PTPN14: variants seen among roughly 807,000 people sequenced by gnomAD.
PTPN14 encodes tyrosine-protein phosphatase non-receptor type 14.
PTPN14 carries 53 observed loss-of-function variants against 126.8 expected under a neutral mutation model. The ratio of observed to expected loss-of-function variants is 0.42; its 90% CI spans 0.34 to 0.53. The LOEUF (loss-of-function observed/expected upper bound fraction) is 0.53. Ranked by LOEUF, PTPN14 falls within the 20% of genes least tolerant of loss-of-function variation. The probability of loss-of-function intolerance (pLI) is 0.08; values close to 1 mark genes in which losing one functional copy is unlikely to be tolerated. For missense variants in PTPN14, 1,257 were observed against 1,552.9 expected, an observed-to-expected ratio of 0.81 and a Z score of 3.20; for synonymous variants, 630 against 599.3, an observed-to-expected ratio of 1.05 and a Z score of -0.75.
At chr1:214,389,862 T>C (rs1658709449) in intron 11 of PTPN14, among the ~76,000 whole-genome samples, 1 of 152,194 alleles carries the variant, frequency 6.6e-6, no homozygotes, top group Admixed American at 6.5e-5. Flanking sequence ...CTATTGGTAC[T>C]CGGGGGAAAG....
chr1:214,535,152 T>C (rs186788673), intron 1 of PTPN14, among the ~76,000 whole-genome samples: 10 of 152,340 alleles, frequency 6.6e-5, no homozygotes, highest in African/African-American at 2.4e-4. Context: ...TAATCATTTA[T>C]AATTATTTTT....
At chr1:214,535,138 G>T (rs995036971) in intron 1 of PTPN14, among the ~76,000 whole-genome samples, 32 of 152,162 alleles carry the variant, frequency 2.1e-4, no homozygotes, top group African/African-American at 7.7e-4. Context: ...AATTGAAAAT[G>T]ATATAATCAT....
chr1:214,455,918 C>T (rs1203114072), intron 2 of PTPN14, among the ~76,000 whole-genome samples: 3 of 152,098 alleles, frequency 2.0e-5, no homozygotes, highest in Non-Finnish European at 4.4e-5. Flanking sequence ...ATTATGGGAA[C>T]TCTCCGTACC....
At position 214,551,530 on chromosome 1, in the gene PTPN14, C is replaced by G. The variant is rs1194188646; in HGVS notation, c.-502G>C. 1 of 152,410 alleles carries G rather than the reference C, an allele frequency of 6.6e-6. No homozygotes were observed. The allele number at this position is 152,410 out of a possible 1,614,324, so 9.4% of individuals were successfully genotyped here. A position where few individuals can be genotyped will look rare whatever the true frequency, so the allele number is the denominator to read the frequency against. ...TGAGCCAGGAGAGCAGGCGGCTGAG[C>G]CCGGAGAAGCACAGCAACCTGCCCC... On this transcript the variant is annotated 5_prime_UTR_variant, in exon 1 of 19. Coordinates refer to ENST00000366956, the MANE Select transcript of PTPN14 (RefSeq NM_005401.5).
chr1:214,384,583 G>A lies in PTPN14; in HGVS notation c.1272C>T (p.Asp424=), dbSNP rs1658563812. The change falls in exon 13 of 19, where the codon GAC becomes GAT. Residue 424 remains aspartate, a synonymous_variant. Coordinates refer to ENST00000366956, the MANE Select transcript of PTPN14 (RefSeq NM_005401.5). The surrounding 1 kb of genome is among the most constrained non-coding windows in gnomAD (Gnocchi z 5.3). Reference sequence around the variant, plus strand: ...CGCTGTGCCGGTGGCTCGGGATGTAGTCGGCCCGCATGATGTCACTCCCAG... The same window carrying A: ...CGCTGTGCCGGTGGCTCGGGATGTAATCGGCCCGCATGATGTCACTCCCAG... ...SIPGSDIMRA[D]YIPSHRHSAI... is the part of the protein sequence containing the mutation. 1 of 1,614,152 alleles carries A rather than the reference G, an allele frequency of 6.2e-7. No individual in the cohort carries two copies. Among genetic ancestry groups the A allele is most frequent in the Non-Finnish European group, 8.5e-7 (1 of 1,180,042 alleles).
At chr1:214,449,333 C>T (rs937155898) in intron 3 of PTPN14, among the ~76,000 whole-genome samples, 1 of 152,294 alleles carries the variant, frequency 6.6e-6, no homozygotes, top group African/African-American at 2.4e-5. Flanking sequence ...CTTAAACAAC[C>T]TTTTTCTTTT....
chr1:214,506,903 G>A (rs1654857689), intron 1 of PTPN14, among the ~76,000 whole-genome samples: 1 of 140,960 alleles, frequency 7.1e-6, no homozygotes, highest in Non-Finnish European at 1.5e-5. Context: ...GCTAACAAGA[G>A]CGCGGGTTTT....
intron 9 of PTPN14, among the ~76,000 whole-genome samples, chr1:214,394,611 T>C (rs1035313525): frequency 2.0e-5 from 3 of 152,160 alleles, no homozygotes; most frequent in African/African-American, 7.2e-5. Flanking sequence ...TTTCGCCATA[T>C]TGGCCAGGCT....
At position 214,356,771 on chromosome 1, in the gene PTPN14, G is replaced by A. The variant is rs1045782688; in HGVS notation, c.*1151C>T. On this transcript the variant is annotated 3_prime_UTR_variant, in exon 19 of 19. Coordinates refer to ENST00000366956, the MANE Select transcript of PTPN14 (RefSeq NM_005401.5). ...AGCCTGAAGATGATATCAGCACAGC[G>A]GGGGTCACATTTGATGTGTTTCCTG... The A allele has an allele frequency of 2.0e-5, 3 of 152,166 alleles. No homozygotes were observed. The highest frequency in any genetic ancestry group is 2.4e-5 in the African/African-American group (1 of 41,426). 9.4% of individuals were successfully genotyped at this position (152,166 alleles called of 1,614,324 possible).
chr1:214,497,764 T>G (rs532015845), intron 1 of PTPN14, among the ~76,000 whole-genome samples: 1 of 152,320 alleles, frequency 6.6e-6, no homozygotes, highest in East Asian at 1.9e-4. Context: ...TTTCAAAACT[T>G]TCTCTACATT....
chr1:214,390,505 T>G (rs1156970425), intron 11 of PTPN14, among the ~76,000 whole-genome samples: 1 of 152,162 alleles, frequency 6.6e-6, no homozygotes, highest in Admixed American at 6.5e-5. Context: ...TTAGGAAATA[T>G]GCAATCAATT....
chr1:214,473,738 G>GA (rs1161715291), intron 1 of PTPN14, among the ~76,000 whole-genome samples: 1 of 152,138 alleles, frequency 6.6e-6, no homozygotes, highest in African/African-American at 2.4e-5. Flanking sequence ...GGTGGGAGGG[G>GA]ATGGGAAATA....
intron 1 of PTPN14, among the ~76,000 whole-genome samples, chr1:214,471,055 A>C (rs1660747779): frequency 6.7e-6 from 1 of 149,792 alleles, no homozygotes. Context: ...CAAAAAAACA[A>C]CTACACTTGA....
intron 3 of PTPN14, among the ~76,000 whole-genome samples, chr1:214,443,984 G>C (rs1359235712): frequency 1.3e-5 from 2 of 152,246 alleles, no homozygotes; most frequent in African/African-American, 4.8e-5. Flanking sequence ...TGTGGTGGGA[G>C]TGAGAGTGGG....
intron 3 of PTPN14, among the ~76,000 whole-genome samples, chr1:214,438,670 T>C (rs1388130656): frequency 6.6e-6 from 1 of 152,204 alleles, no homozygotes; most frequent in Admixed American, 6.5e-5. Context: ...AGCCTCACAG[T>C]GGCATTGTAA....
At chr1:214,509,555 G>T (rs770558640) in intron 1 of PTPN14, among the ~76,000 whole-genome samples, 1 of 152,172 alleles carries the variant, frequency 6.6e-6, no homozygotes, top group African/African-American at 2.4e-5. Context: ...TGTTGCTGTT[G>T]CACATGTTAT....
At chr1:214,475,712 G>A (rs190827696) in intron 1 of PTPN14, among the ~76,000 whole-genome samples, 52 of 152,246 alleles carry the variant, frequency 3.4e-4, no homozygotes, top group African/African-American at 1.3e-3. Flanking sequence ...ATTGATGGGG[G>A]CACTCTGCTG....
chr1:214,430,117 T>C (rs1164127225), intron 3 of PTPN14, among the ~76,000 whole-genome samples: 3 of 152,202 alleles, frequency 2.0e-5, no homozygotes, highest in Non-Finnish European at 1.5e-5. Context: ...TCCTACCACA[T>C]TCTAGGTATC....
intron 3 of PTPN14, among the ~76,000 whole-genome samples, chr1:214,443,854 C>A (rs1371581828): frequency 6.6e-6 from 1 of 152,210 alleles, no homozygotes; most frequent in Non-Finnish European, 1.5e-5. Context: ...AAAGCAGTGG[C>A]ATTGCCTTCT....
Sources: allele counts gnomAD v4.1 joint callset (sites outside exome capture counted in the v4.1 genomes callset), GRCh38; gene constraint gnomAD v4.1.1; non-coding constraint Gnocchi (gnomAD v3.1); transcripts MANE v1.5; gene names NCBI Gene and HGNC (gene_info 2026-07-23, HGNC 2026-07-21).